ETV5: variants seen among roughly 807,000 people sequenced by gnomAD.
The protein encoded by ETV5 is ETS variant transcription factor 5, also known as ETS translocation variant 5.
In ETV5, 10 loss-of-function variants were observed where a neutral mutation model predicts 70.0. The ratio of observed to expected loss-of-function variants is 0.14; its 90% confidence interval spans 0.09 to 0.24. The LOEUF (loss-of-function observed/expected upper bound fraction) is 0.24. Ranked by LOEUF, ETV5 falls within the 10% of genes least tolerant of loss-of-function variation. The probability of loss-of-function intolerance (pLI) is 1.00; values close to 1 mark genes in which losing one functional copy is unlikely to be tolerated. For synonymous variants in ETV5, 216 were observed against 242.2 expected, an observed-to-expected ratio of 0.89 and a Z score of 1.01; for missense variants, 453 against 651.2, an observed-to-expected ratio of 0.70 and a Z score of 3.31.
intron 5 of ETV5, among the ~76,000 whole-genome samples, chr3:186,099,221 G>A (rs564235715): frequency 2.0e-4 from 30 of 152,258 alleles, no homozygotes; most frequent in South Asian, 6.2e-4. Flanking sequence ...AACTAGTGCC[G>A]GCACATACTA....
At position 186,054,546 on chromosome 3, in the gene ETV5, T is replaced by A. The variant is rs1450667613; in HGVS notation, c.1210-2415A>T. On this transcript the variant is annotated intron_variant, in intron 11 of 12. Transcript: ENST00000306376. This position sits in a 1 kb window ranked among gnomAD's most constrained non-coding sequence, Gnocchi z 4.4. Reference sequence around the variant, plus strand: ...ATAATTGAGAGGGTGCTAAGCTGGATGACTATCAAAAGACATTTGATTAGG... The same window carrying A: ...ATAATTGAGAGGGTGCTAAGCTGGAAGACTATCAAAAGACATTTGATTAGG... 6.6e-6 allele frequency among the ~76,000 whole-genome samples: 1 copy of A among 152,180 alleles called. No individual in the cohort carries two copies. Among genetic ancestry groups the A allele is most frequent in the Non-Finnish European group, 1.5e-5 (1 of 68,026 alleles).
At chr3:186,094,626 G>T in intron 5 of ETV5, among the ~76,000 whole-genome samples, 3 of 152,292 alleles carry the variant, frequency 2.0e-5, no homozygotes, top group Middle Eastern at 6.8e-3. Context: ...TAGATGCCTT[G>T]AATTTCAGCG....
intron 12 of ETV5, among the ~76,000 whole-genome samples, chr3:186,050,767 G>T (rs994946280): frequency 6.6e-6 from 1 of 152,118 alleles, no homozygotes; most frequent in South Asian, 2.1e-4. Flanking sequence ...AAGACACAGC[G>T]AGAAGAGCAG....
intron 12 of ETV5, among the ~76,000 whole-genome samples, chr3:186,050,366 AT>A (rs1339268714): frequency 6.6e-6 from 1 of 152,132 alleles, no homozygotes. Flanking sequence ...AGGACAGCTC[AT>A]TTCCATTGGT....
intron 7 of ETV5, among the ~76,000 whole-genome samples, chr3:186,074,499 A>G (rs947730345): frequency 3.9e-5 from 6 of 152,234 alleles, no homozygotes; most frequent in Non-Finnish European, 8.8e-5. Flanking sequence ...GCTAAAACCT[A>G]GCAAGGACAA....
At chr3:186,077,017 T>C (rs1192976045) in intron 7 of ETV5, among the ~76,000 whole-genome samples, 1 of 152,358 alleles carries the variant, frequency 6.6e-6, no homozygotes, top group East Asian at 1.9e-4. Context: ...ATGGCGTAAT[T>C]ACACGTCATG....
At chr3:186,090,405 T>G (rs1216918804) in intron 5 of ETV5, among the ~76,000 whole-genome samples, 1 of 152,230 alleles carries the variant, frequency 6.6e-6, no homozygotes, top group Non-Finnish European at 1.5e-5. Context: ...TACTGCCTGC[T>G]AATACTTCCA....
At chr3:186,090,600 A>C (rs1714159126) in intron 5 of ETV5, among the ~76,000 whole-genome samples, 1 of 152,246 alleles carries the variant, frequency 6.6e-6, no homozygotes, top group Non-Finnish European at 1.5e-5. Flanking sequence ...ATTTATATGT[A>C]AAACACGTTT....
chr3:186,095,916 C>T (rs1714291827), intron 5 of ETV5, among the ~76,000 whole-genome samples: 1 of 152,142 alleles, frequency 6.6e-6, no homozygotes, highest in African/African-American at 2.4e-5. Context: ...GCTGTATGCA[C>T]CAGGTGTCCA....
In ETV5 at chr3:186,048,225, T is replaced by G. The variant is rs1230364773; in HGVS notation, c.*414A>C. Reference sequence around the variant, plus strand: ...TTACTTTTCTATGGGTTTGTGATTTTTCAACAAATTGTGCAAATCAGAGCC... The same window carrying G: ...TTACTTTTCTATGGGTTTGTGATTTGTCAACAAATTGTGCAAATCAGAGCC... On this transcript the variant is annotated 3_prime_UTR_variant, in exon 13 of 13. Coordinates refer to ENST00000306376, the MANE Select transcript of ETV5 (RefSeq NM_004454.3). 2 of 250,172 alleles carry G rather than the reference T, an allele frequency of 8.0e-6. No individual in the cohort carries two copies. Among genetic ancestry groups the G allele is most frequent in the African/African-American group, 4.4e-5 (2 of 45,628 alleles). 15.5% of individuals were successfully genotyped at this position (250,172 alleles called of 1,614,324 possible).
intron 5 of ETV5, chr3:186,084,282 TAAAA>T (rs11327778): frequency 0.024 from 5,111 of 216,544 alleles, 16 homozygotes; most frequent in African/African-American, 0.048. Context: ...AAAGAAATGC[TAAAA>T]AAAAAAAAAA....
Position 186,080,058 on chromosome 3 carries a change from G to T in ETV5, c.409C>A (p.Pro137Thr). 6.5e-7 allele frequency: 1 copy of T among 1,528,988 alleles called. No individual in the cohort carries two copies. The allele number at this position is 1,528,988 out of a possible 1,614,324, so 94.7% of individuals were successfully genotyped here. ...PPSGFKPLTP[P>T]TTPLSPTHQN... is the part of the protein sequence containing the mutation. ...TGGGTGGGTGAGAGGGGGGTTGTAGGAGGGGTTAATGGCTTGAACCCAGAG... is the reference window on the plus strand; with the variant it reads ...TGGGTGGGTGAGAGGGGGGTTGTAGTAGGGGTTAATGGCTTGAACCCAGAG... Residue 137 changes from proline to threonine, a missense_variant, in exon 7 of 13, where the codon CCT becomes ACT. By Grantham distance (38) the Pro-to-Thr change is conservative. Around this residue, in one of 4 missense-constraint regions of ETV5, gnomAD observed 307 missense variants for 344.9 expected, o/e 0.89. Transcript: ENST00000306376.
intron 5 of ETV5, among the ~76,000 whole-genome samples, chr3:186,091,629 G>C (rs1055713037): frequency 2.0e-5 from 3 of 152,182 alleles, no homozygotes; most frequent in African/African-American, 7.2e-5. Context: ...CAGAAGAGAG[G>C]CTTCAGGAAC....
intron 11 of ETV5, 92 bp downstream of exon 11, chr3:186,056,983 T>C (rs1713180681): frequency 1.4e-6 from 2 of 1,450,476 alleles, no homozygotes; most frequent in African/African-American, 1.4e-5. Flanking sequence ...AAGAGCAGAC[T>C]TGACACAAAA....
At chr3:186,084,447 ATCTT>A (rs1714006672) in intron 5 of ETV5, among the ~76,000 whole-genome samples, 1 of 148,922 alleles carries the variant, frequency 6.7e-6, no homozygotes, top group African/African-American at 2.5e-5. Context: ...TGTCATGAAG[ATCTT>A]TCTTTCTGTC....
Position 186,105,336 on chromosome 3 carries a change from T to C in ETV5, c.201A>G (p.Glu67=). ...CAGACTGAAAATCTGGGACAAACTG[T>C]TCATCATCAGGAACTTGTGCTGGAA... ...WLAEAQVPDD[E]QFVPDFQSDN... is the part of the protein sequence containing the mutation. Residue 67 remains glutamate (E), a synonymous_variant, in exon 5 of 13, where the codon GAA becomes GAG. Coordinates refer to ENST00000306376, the MANE Select transcript of ETV5 (RefSeq NM_004454.3). This position sits in a 1 kb window ranked among gnomAD's most constrained non-coding sequence, Gnocchi z 4.5. 1 of 1,613,266 alleles carries C rather than the reference T, an allele frequency of 6.2e-7. No homozygotes were observed. The highest frequency in any genetic ancestry group is 1.3e-5 in the African/African-American group (1 of 75,016).
chr3:186,063,854 C>T (rs996628610), intron 9 of ETV5, among the ~76,000 whole-genome samples: 1 of 152,082 alleles, frequency 6.6e-6, no homozygotes, highest in Non-Finnish European at 1.5e-5. Flanking sequence ...AAATGGCAAC[C>T]ATTTATCATA....
intron 5 of ETV5, among the ~76,000 whole-genome samples, chr3:186,096,418 T>C (rs994979188): frequency 6.6e-6 from 1 of 152,174 alleles, no homozygotes; most frequent in African/African-American, 2.4e-5. Context: ...TACAAAGCAT[T>C]TCCAGGCACT....
At chr3:186,076,676 T>C (rs1713798131) in intron 7 of ETV5, 1 of 186,898 alleles carries the variant, frequency 5.4e-6, no homozygotes, top group South Asian at 2.0e-4. Flanking sequence ...AAACATATAC[T>C]GAGGACAAAT....
Sources: gnomAD v4.1 joint callset for allele counts (sites outside exome capture counted in the v4.1 genomes callset) on GRCh38, gnomAD v4.1.1 for gene constraint, gnomAD v4.1.1 regional missense constraint, Gnocchi (gnomAD v3.1) non-coding constraint, MANE v1.5 for transcripts, NCBI Gene and HGNC (gene_info 2026-07-23, HGNC 2026-07-21) for gene names.